The following KCTD3 variants were observed in gnomAD, a reference collection of about 807,000 sequenced individuals.
The protein encoded by KCTD3 is BTB/POZ domain-containing protein KCTD3.
KCTD3 carries 41 observed loss-of-function variants against 85.8 expected under a neutral mutation model. The ratio of observed to expected loss-of-function variants is 0.48; its 90% CI spans 0.37 to 0.62. KCTD3 has a LOEUF of 0.62. Among genes scored for constraint, KCTD3 ranks in the 20% least tolerant of loss-of-function variants. The pLI is 0.00. For synonymous variants in KCTD3, 338 were observed against 345.4 expected (o/e 0.98, Z 0.24); for missense variants, 724 against 989.9 (o/e 0.73, Z 3.60).
chr1:215,619,990 A>G (rs1655603321), intron 17 of KCTD3, 67 bp from the exon 18 acceptor site: 1 of 1,196,244 alleles, frequency 8.4e-7, no homozygotes, highest in Non-Finnish European at 1.2e-6. Flanking sequence ...TTGGTTGTAT[A>G]ATTAATATGT....
chr1:215,611,281 GT>G (rs1655228175), intron 14 of KCTD3, among the ~76,000 whole-genome samples: 2 of 151,568 alleles, frequency 1.3e-5, no homozygotes, highest in Admixed American at 6.6e-5. Context: ...TTTTCTCTTG[GT>G]TTACCAATTA....
intron 13 of KCTD3, 74 bp from the exon 14 acceptor site, chr1:215,607,943 G>A: frequency 8.4e-7 from 1 of 1,191,868 alleles, no homozygotes; most frequent in Non-Finnish European, 1.2e-6. Context: ...GTGTAATATA[G>A]ATGATAGTGA....
In KCTD3 at chr1:215,602,475, C is replaced by CA. The variant is rs534044865; in HGVS notation, c.1138+288dup. Among the ~76,000 whole-genome samples, 833 of 129,332 alleles carry CA rather than the reference C, an allele frequency of 6.4e-3. 7 individuals carry two copies. The highest frequency in any genetic ancestry group is 0.012 in the East Asian group (53 of 4,602). The allele number at this position is 129,332 out of a possible 152,430, so 84.8% of individuals were successfully genotyped here. On this transcript the variant is annotated intron_variant, in intron 12 of 17. Transcript: ENST00000259154. ...ATTATTATAATGTTAGCTGAAATTTCAAAAAAAAAAAAAATTCTGCACATT... is the reference window on the plus strand; with the variant it reads ...ATTATTATAATGTTAGCTGAAATTTCAAAAAAAAAAAAAAATTCTGCACATT...
intron 9 of KCTD3, among the ~76,000 whole-genome samples, chr1:215,591,811 C>T (rs540700567): frequency 2.0e-5 from 3 of 152,312 alleles, no homozygotes; most frequent in Non-Finnish European, 2.9e-5. Context: ...TCAAGTTCTT[C>T]GCCTCCTCAG....
At chr1:215,574,185 G>C (rs1659482838) in intron 3 of KCTD3, 67 bp downstream of exon 3, 1 of 897,036 alleles carries the variant, frequency 1.1e-6, no homozygotes, top group South Asian at 1.9e-5. Context: ...CTAACATATA[G>C]TTACTCTAAG....
chr1:215,599,035 T>C (rs1367015024), intron 10 of KCTD3, among the ~76,000 whole-genome samples: 1 of 152,192 alleles, frequency 6.6e-6, no homozygotes, highest in Non-Finnish European at 1.5e-5. Flanking sequence ...TAGTGACAGT[T>C]TGCCTGTCAT....
intron 10 of KCTD3, among the ~76,000 whole-genome samples, chr1:215,597,632 A>G: frequency 6.6e-6 from 1 of 152,130 alleles, no homozygotes. Context: ...GTGGAGGCTG[A>G]GTTTGGGGAG....
rs757805980 is a variant in KCTD3, at chr1:215,619,199, A to G, written c.1794A>G (p.Gln598=). The part of the protein sequence containing the change: ...TEEELLKLLD[Q]CDLSTSRCAT... ...AAGAGCTACTCAAATTACTCGATCA[A>G]TGTGATTTGAGCACATCTCGCTGTG... The change falls in exon 17 of 18, where the codon CAA becomes CAG. Residue 598 remains glutamine, a synonymous_variant. Transcript: ENST00000259154. The G allele has an allele frequency of 4.3e-6, 7 of 1,613,690 alleles. No individual in the cohort carries two copies. The highest frequency in any genetic ancestry group is 2.2e-5 in the South Asian group (2 of 91,068).
chr1:215,596,883 T>C (rs1462340342), intron 10 of KCTD3, among the ~76,000 whole-genome samples: 1 of 152,114 alleles, frequency 6.6e-6, no homozygotes, highest in Non-Finnish European at 1.5e-5. Context: ...TCCGGTCCCA[T>C]AAAAGTCAAG....
At chr1:215,569,175 G>A (rs1250436475) in intron 1 of KCTD3, among the ~76,000 whole-genome samples, 1 of 147,540 alleles carries the variant, frequency 6.8e-6, no homozygotes, top group Non-Finnish European at 1.5e-5. Flanking sequence ...TGGCTGGAGT[G>A]CAGTGGCGCG....
intron 12 of KCTD3, among the ~76,000 whole-genome samples, 163 bp downstream of exon 12, chr1:215,602,364 T>G (rs1654862768): frequency 6.6e-6 from 1 of 152,062 alleles, no homozygotes; most frequent in African/African-American, 2.4e-5. Context: ...AGTTTTATAC[T>G]GAAGTCAAAC....
At chr1:215,571,805 G>T (rs1247979242) in intron 1 of KCTD3, among the ~76,000 whole-genome samples, 1 of 151,964 alleles carries the variant, frequency 6.6e-6, no homozygotes, top group Non-Finnish European at 1.5e-5. Context: ...CTAATTTTTC[G>T]TAGTTTTAGT....
At chr1:215,598,601 T>C (rs1004653917) in intron 10 of KCTD3, among the ~76,000 whole-genome samples, 3 of 151,902 alleles carry the variant, frequency 2.0e-5, no homozygotes, top group African/African-American at 4.8e-5. Flanking sequence ...AATCCCCAAA[T>C]TGGAAATAAT....
At chr1:215,600,216 G>T (rs150900846) in intron 10 of KCTD3, among the ~76,000 whole-genome samples, 1 of 152,172 alleles carries the variant, frequency 6.6e-6, no homozygotes, top group African/African-American at 2.4e-5. Flanking sequence ...GATATTTCTT[G>T]TGTAACTCAT....
At chr1:215,588,207 G>C (rs1271474753) in intron 9 of KCTD3, among the ~76,000 whole-genome samples, 2 of 152,092 alleles carry the variant, frequency 1.3e-5, no homozygotes, top group Non-Finnish European at 2.9e-5. Context: ...TTAATGAACA[G>C]AGCAGCTCCT....
chr1:215,572,534 T>C (rs1659405951), intron 1 of KCTD3, among the ~76,000 whole-genome samples: 1 of 152,192 alleles, frequency 6.6e-6, no homozygotes, highest in Non-Finnish European at 1.5e-5. Context: ...TCCAGTGCTA[T>C]TTAATAGCCC....
In KCTD3 at chr1:215,573,789, T is replaced by G; in HGVS notation, c.87T>G (p.Phe29Leu). The change falls in exon 2 of 18, where the codon TTT (phenylalanine) becomes TTG (leucine). Residue 29 changes from phenylalanine (F) to leucine (L), a missense_variant. Coordinates refer to ENST00000259154, the MANE Select transcript of KCTD3 (RefSeq NM_016121.5). ...IVQLNVGGTR[F>L]STSRQTLMWI... ...ACCAGATGATTTTTAATTGCAGATT[T>G]AGTACCTCAAGACAAACTCTTATGT... The G allele has an allele frequency of 6.4e-7, 1 of 1,568,086 alleles. No individual in the cohort carries two copies. The highest frequency in any genetic ancestry group is 2.3e-5 in the East Asian group (1 of 44,188).
chr1:215,580,541 A>G (rs2102562027), intron 8 of KCTD3, among the ~76,000 whole-genome samples: 1 of 152,280 alleles, frequency 6.6e-6, no homozygotes, highest in African/African-American at 2.4e-5. Context: ...GAGCCTGAGA[A>G]GCAATGAAGA....
chr1:215,593,954 G>A (rs940648134), intron 9 of KCTD3, among the ~76,000 whole-genome samples: 1 of 151,336 alleles, frequency 6.6e-6, no homozygotes, highest in African/African-American at 2.4e-5. Context: ...TCTGCCTGTG[G>A]GTTTAAGCAA....
Sources: gnomAD v4.1 joint callset for allele counts (sites outside exome capture counted in the v4.1 genomes callset) on GRCh38, gnomAD v4.1.1 for gene constraint, MANE v1.5 for transcripts, NCBI Gene and HGNC (gene_info 2026-07-23, HGNC 2026-07-21) for gene names.